The following ATR variants were observed in gnomAD, a reference collection of about 807,000 sequenced individuals.
ATR encodes the protein serine/threonine-protein kinase ATR.
Under a neutral mutation model 305.3 loss-of-function variants are expected in ATR, and 142 were observed. The observed-to-expected ratio is 0.47, with a 90% CI of 0.41 to 0.53. The LOEUF (loss-of-function observed/expected upper bound fraction) is 0.53. Ranked by LOEUF, ATR falls within the 20% of genes least tolerant of loss-of-function variation. ATR has a pLI of 0.00. For synonymous variants in ATR, 1,050 were observed against 1,068.1 expected (o/e 0.98, Z 0.33); for missense variants, 2,135 against 3,133.1 (o/e 0.68, Z 7.60).
chr3:142,553,768 G>T (rs2108464583), intron 11 of ATR, 28 bp from the exon 12 acceptor site: 2 of 1,609,592 alleles, frequency 1.2e-6, no homozygotes, highest in Admixed American at 1.7e-5. Context: ...ACTGGTTAAA[G>T]AAATTTTTAG....
At chr3:142,497,284 A>G in intron 32 of ATR, 92 bp from the exon 33 acceptor site, 9 of 1,284,922 alleles carry the variant, frequency 7.0e-6, no homozygotes, top group Non-Finnish European at 9.8e-6. Context: ...AGAAATAAAG[A>G]ATTTAAAATA....
In ATR at chr3:142,539,076, A is replaced by T. The variant is rs188944338; in HGVS notation, c.3582-451T>A. ...ACCCTTAAAAGTTTTAAAGAAACTGAAACAAGTGAACCTAACTAAATGTTA... is the reference window on the plus strand; with the variant it reads ...ACCCTTAAAAGTTTTAAAGAAACTGTAACAAGTGAACCTAACTAAATGTTA... On this transcript the variant is annotated intron_variant, in intron 18 of 46. Coordinates refer to ENST00000350721, the MANE Select transcript of ATR (RefSeq NM_001184.4). Among the ~76,000 whole-genome samples, 246 of 152,322 alleles carry T rather than the reference A, an allele frequency of 1.6e-3. 1 individual carries two copies. Among genetic ancestry groups the T allele is most frequent in the African/African-American group, 4.7e-3 (195 of 41,592 alleles).
intron 3 of ATR, among the ~76,000 whole-genome samples, chr3:142,564,892 C>T (rs1026237368): frequency 1.3e-5 from 2 of 152,068 alleles, no homozygotes; most frequent in African/African-American, 4.8e-5. Flanking sequence ...GCTTGTACCA[C>T]AGGCATGTGC....
chr3:142,563,705 T>C (rs2034965371), intron 3 of ATR, among the ~76,000 whole-genome samples: 3 of 152,144 alleles, frequency 2.0e-5, no homozygotes, highest in African/African-American at 4.8e-5. Context: ...CACACATCTC[T>C]CACTTCAAAT....
Position 142,513,523 on chromosome 3 carries a change from C to A in ATR, c.4619G>T (p.Cys1540Phe), listed in dbSNP as rs1397117225. Reference protein sequence around the residue: ...PHILVYVLLGCNQEDQQEVYA... With the variant: ...PHILVYVLLGFNQEDQQEVYA... ...CACCTCCTGCTGATCTTCTTGATTA[C>A]AACCCAGTAAGACATACACCAGAAT... Residue 1540 changes from cysteine (C) to phenylalanine (F), a missense_variant, in exon 26 of 47, where the codon TGT (cysteine) becomes TTT (phenylalanine). By Grantham distance (205) the Cys-to-Phe change is radical (BLOSUM62 -2). This residue lies in a region of ATR where 202 missense variants were observed against 252.9 expected (regional missense o/e 0.80). Coordinates refer to ENST00000350721, the MANE Select transcript of ATR (RefSeq NM_001184.4). 6.2e-7 allele frequency: 1 copy of A among 1,613,520 alleles called. No individual in the cohort carries two copies.
intron 45 of ATR, among the ~76,000 whole-genome samples, chr3:142,457,347 T>C (rs1324447691): frequency 2.6e-5 from 4 of 152,174 alleles, no homozygotes; most frequent in Non-Finnish European, 4.4e-5. Flanking sequence ...GGAATTTCTT[T>C]TTGGGCTGAT....
intron 18 of ATR, 30 bp from the exon 19 acceptor site, chr3:142,538,655 C>T (rs1453354017): frequency 1.2e-6 from 2 of 1,611,684 alleles, no homozygotes; most frequent in East Asian, 4.5e-5. Context: ...GAAATGAAGT[C>T]CAATTACTTT....
intron 29 of ATR, 32 bp from the exon 30 acceptor site, chr3:142,503,485 T>G: frequency 1.8e-5 from 24 of 1,365,156 alleles, no homozygotes; most frequent in East Asian, 2.4e-5. Context: ...AAATAGCAAT[T>G]ATCACTTCAA....
At chr3:142,578,454 G>A (rs1030231989) in intron 1 of ATR, among the ~76,000 whole-genome samples, 192 bp downstream of exon 1, 3 of 152,200 alleles carry the variant, frequency 2.0e-5, no homozygotes, top group African/African-American at 7.2e-5. Flanking sequence ...GGTTTGTGGC[G>A]ACTGCCCCAT....
intron 36 of ATR, 120 bp downstream of exon 36, chr3:142,485,020 A>T: frequency 7.0e-7 from 1 of 1,418,456 alleles, no homozygotes; most frequent in African/African-American, 1.4e-5. Flanking sequence ...CTAAGGTGAT[A>T]CACTGAATCA....
At chr3:142,569,235 A>C (rs1415259893) in intron 1 of ATR, among the ~76,000 whole-genome samples, 2 of 152,196 alleles carry the variant, frequency 1.3e-5, no homozygotes, top group Non-Finnish European at 2.9e-5. Context: ...GTACCATTGT[A>C]CACTCCCACC....
chr3:142,467,980 T>A lies in ATR; in HGVS notation c.6641A>T (p.Asp2214Val). The A allele has an allele frequency of 1.9e-6, 3 of 1,613,138 alleles. No homozygotes were observed. The highest frequency in any genetic ancestry group is 1.7e-6 in the Non-Finnish European group (2 of 1,179,502). The change falls in exon 39 of 47, where the codon GAT becomes GTT. Residue 2214 changes from aspartate to valine, a missense_variant. Asp to Val is a radical substitution (Grantham distance 152). Coordinates refer to ENST00000350721, the MANE Select transcript of ATR (RefSeq NM_001184.4). ...AAGCTTATCTGTTAGGCGAGTTGCA[T>A]CTCCAACAAACTTCTCTAAGGATTT... ...MKKSLEKFVG[D>V]ATRLTDKLLE... is the part of the protein sequence containing the mutation.
At chr3:142,500,978 G>A (rs2031929477) in intron 30 of ATR, among the ~76,000 whole-genome samples, 1 of 152,088 alleles carries the variant, frequency 6.6e-6, no homozygotes, top group African/African-American at 2.4e-5. Flanking sequence ...ATGGCAATCA[G>A]GATCAGGCTG....
intron 17 of ATR, 110 bp downstream of exon 17, chr3:142,542,555 G>C: frequency 9.9e-7 from 1 of 1,005,884 alleles, no homozygotes; most frequent in South Asian, 1.4e-5. Context: ...CAGCAATAGA[G>C]AATGTCATAT....
intron 27 of ATR, among the ~76,000 whole-genome samples, chr3:142,511,208 A>G (rs1175494831): frequency 1.3e-5 from 2 of 152,172 alleles, no homozygotes; most frequent in African/African-American, 2.4e-5. Context: ...ACATACACAC[A>G]CACACACACA....
intron 1 of ATR, among the ~76,000 whole-genome samples, chr3:142,573,144 C>T (rs1285707926): frequency 1.3e-5 from 2 of 152,050 alleles, no homozygotes; most frequent in East Asian, 3.9e-4. Context: ...AACATAAACT[C>T]TAGACACAAA....
chr3:142,552,068 A>G (rs1166156170), intron 13 of ATR, among the ~76,000 whole-genome samples: 1 of 152,040 alleles, frequency 6.6e-6, no homozygotes, highest in Non-Finnish European at 1.5e-5. Flanking sequence ...AAAGCTCAAC[A>G]TCACTGATCA....
chr3:142,510,382 C>A (rs957103982), intron 27 of ATR, among the ~76,000 whole-genome samples: 1 of 151,742 alleles, frequency 6.6e-6, no homozygotes, highest in African/African-American at 2.4e-5. Flanking sequence ...TCACTTGAAC[C>A]CAGGAGGTGG....
intron 22 of ATR, among the ~76,000 whole-genome samples, chr3:142,523,424 A>C (rs1317353107): frequency 1.4e-4 from 21 of 152,130 alleles, no homozygotes; most frequent in Admixed American, 1.4e-3. Context: ...CGTCCAAAAA[A>C]AAACACAAAA....
Sources: gnomAD v4.1 joint callset for allele counts (sites outside exome capture counted in the v4.1 genomes callset) on GRCh38, gnomAD v4.1.1 for gene constraint, gnomAD v4.1.1 regional missense constraint, MANE v1.5 for transcripts, NCBI Gene and HGNC (gene_info 2026-07-23, HGNC 2026-07-21) for gene names.